Variants in SLC8A1 observed in about 807,000 individuals in gnomAD.
The protein encoded by SLC8A1 is solute carrier family 8 member A1.
A neutral mutation model predicts 68.3 loss-of-function variants in SLC8A1; 18 were observed. That is an observed-to-expected ratio of 0.26 (90% CI 0.18 to 0.39). The LOEUF is 0.39. SLC8A1 is among the 10% of genes least tolerant of loss of function. The pLI is 1.00. For synonymous variants in SLC8A1, 475 were observed against 415.5 expected (o/e 1.14, Z -1.74); for missense variants, 985 against 1,156.7 (o/e 0.85, Z 2.15).
chr2:40,470,609 G>T (rs1487422130), intron 1 of SLC8A1, among the ~76,000 whole-genome samples: 1 of 151,538 alleles, frequency 6.6e-6, no homozygotes, highest in East Asian at 1.9e-4. Context: ...CATATAATAA[G>T]ATCCTATATT....
intron 2 of SLC8A1, among the ~76,000 whole-genome samples, chr2:40,372,500 C>A (rs1047088965): frequency 1.3e-5 from 2 of 152,128 alleles, no homozygotes; most frequent in Non-Finnish European, 2.9e-5. Context: ...CCATGGCAAA[C>A]ATCAAAAACA....
intron 2 of SLC8A1, among the ~76,000 whole-genome samples, chr2:40,383,941 C>A (rs556670741): frequency 1.3e-5 from 2 of 152,078 alleles, no homozygotes; most frequent in Non-Finnish European, 2.9e-5. Flanking sequence ...CATCTGCGAA[C>A]TTTACAATTC....
At chr2:40,468,824 C>T (rs1242485292) in intron 1 of SLC8A1, among the ~76,000 whole-genome samples, 2 of 151,958 alleles carry the variant, frequency 1.3e-5, no homozygotes, top group African/African-American at 4.8e-5. Flanking sequence ...GACTATAATC[C>T]CAGCTATTAG....
chr2:40,333,053 T>G (rs976260442), intron 2 of SLC8A1, among the ~76,000 whole-genome samples: 1 of 152,230 alleles, frequency 6.6e-6, no homozygotes, highest in African/African-American at 2.4e-5. Flanking sequence ...GTTAGAATTT[T>G]AGAGCTTCCA....
intron 2 of SLC8A1, among the ~76,000 whole-genome samples, chr2:40,307,270 A>C (rs992126184): frequency 6.6e-6 from 1 of 152,182 alleles, no homozygotes; most frequent in Admixed American, 6.6e-5. Context: ...CTTTGGAGAC[A>C]TTGTGCTAAG....
intron 4 of SLC8A1, 50 bp downstream of exon 6, chr2:40,174,656 G>T (rs748819820): frequency 3.5e-6 from 5 of 1,434,810 alleles, no homozygotes. Context: ...TGGATTGATG[G>T]TTAAGGGTAT....
In SLC8A1 at chr2:40,313,874, CTG is replaced by C. The variant is rs1244467551; in HGVS notation, c.1808+114597_1808+114598del. On this transcript the variant is annotated intron_variant, in intron 2 of 7. Coordinates refer to ENST00000406785, the Ensembl canonical transcript of SLC8A1. Reference sequence around the variant, plus strand: ...GCTCAAATATTTGACCAATTTTTTGCTGTGTTTTCTTAATTGTTAAATTTTGA... The same window carrying C: ...GCTCAAATATTTGACCAATTTTTTGCTGTTTTCTTAATTGTTAAATTTTGA... Among the ~76,000 whole-genome samples, 5 of 151,838 alleles carry C rather than the reference CTG, an allele frequency of 3.3e-5. No individual in the cohort carries two copies. In the East Asian group the frequency reaches 9.7e-4, roughly 29 times the overall value.
At chr2:40,355,906 T>G (rs533257838) in intron 2 of SLC8A1, among the ~76,000 whole-genome samples, 18 of 152,286 alleles carry the variant, frequency 1.2e-4, no homozygotes, top group Admixed American at 7.9e-4. Flanking sequence ...TAAGTGGGAT[T>G]TGCTGGAAAG....
chr2:40,481,987 T>C (rs1704656266), intron 1 of SLC8A1, among the ~76,000 whole-genome samples: 1 of 152,188 alleles, frequency 6.6e-6, no homozygotes, highest in Non-Finnish European at 1.5e-5. Context: ...TTTGAGAGGC[T>C]TGATAAAAAC....
At chr2:40,364,683 A>C (rs1444966146) in intron 2 of SLC8A1, among the ~76,000 whole-genome samples, 1 of 152,032 alleles carries the variant, frequency 6.6e-6, no homozygotes, top group East Asian at 1.9e-4. Context: ...ACTAATATTT[A>C]ATGAGAAAAA....
chr2:40,203,338 G>A (rs547426771), intron 2 of SLC8A1, among the ~76,000 whole-genome samples: 1 of 151,992 alleles, frequency 6.6e-6, no homozygotes, highest in Non-Finnish European at 1.5e-5. Flanking sequence ...GGAGCAAACA[G>A]CTAAAGAACT....
At chr2:40,483,736 T>C (rs558984439) in intron 1 of SLC8A1, among the ~76,000 whole-genome samples, 1 of 152,312 alleles carries the variant, frequency 6.6e-6, no homozygotes, top group Admixed American at 6.5e-5. Context: ...CCTTTGCTTA[T>C]TTCTCTTCCC....
At chr2:40,391,795 A>G (rs1465566566) in intron 2 of SLC8A1, among the ~76,000 whole-genome samples, 1 of 152,050 alleles carries the variant, frequency 6.6e-6, no homozygotes, top group Non-Finnish European at 1.5e-5. Flanking sequence ...GGTAGACAAA[A>G]AGTGTTAACC....
chr2:40,245,759 A>G (rs1431147293), intron 2 of SLC8A1, among the ~76,000 whole-genome samples: 1 of 152,168 alleles, frequency 6.6e-6, no homozygotes, highest in African/African-American at 2.4e-5. Context: ...AACACATTTT[A>G]AAACCAAGAC....
intron 2 of SLC8A1, among the ~76,000 whole-genome samples, chr2:40,223,323 A>G (rs1047976075): frequency 1.1e-4 from 16 of 152,174 alleles, no homozygotes; most frequent in African/African-American, 3.9e-4. Context: ...CAATGAGAAC[A>G]CATGGACACA....
Position 40,377,646 on chromosome 2 carries a change from T to C in SLC8A1, c.1808+50827A>G, listed in dbSNP as rs550618217. Among the ~76,000 whole-genome samples, 25 of 152,176 alleles carry C rather than the reference T, an allele frequency of 1.6e-4. No individual in the cohort carries two copies. In the South Asian group the frequency reaches 5.0e-3, roughly 30 times the overall value. Reference sequence around the variant, plus strand: ...AGTAATTTAAAATAGATTTCCACCATAGATAATAAAAAACTCTGGTCCACA... The same window carrying C: ...AGTAATTTAAAATAGATTTCCACCACAGATAATAAAAAACTCTGGTCCACA... On this transcript the variant is annotated intron_variant, in intron 2 of 7. Coordinates refer to ENST00000406785, the Ensembl canonical transcript of SLC8A1.
At chr2:40,314,195 C>G (rs1012068473) in intron 2 of SLC8A1, among the ~76,000 whole-genome samples, 1 of 151,920 alleles carries the variant, frequency 6.6e-6, no homozygotes, top group Non-Finnish European at 1.5e-5. Context: ...AGTAATAGAT[C>G]AAAATTCATT....
chr2:40,267,224 C>A (rs576879706), intron 2 of SLC8A1, among the ~76,000 whole-genome samples: 5 of 152,232 alleles, frequency 3.3e-5, no homozygotes, highest in African/African-American at 1.2e-4. Context: ...TCTTTACTTG[C>A]CTGAGTTATC....
At chr2:40,211,901 A>G (rs961378880) in intron 2 of SLC8A1, among the ~76,000 whole-genome samples, 1 of 152,232 alleles carries the variant, frequency 6.6e-6, no homozygotes, top group Non-Finnish European at 1.5e-5. Context: ...CACACTAAAA[A>G]CATAAAAGAT....
Sources: gnomAD v4.1 joint callset for allele counts (sites outside exome capture counted in the v4.1 genomes callset) on GRCh38, gnomAD v4.1.1 for gene constraint, MANE v1.5 for transcripts, NCBI Gene and HGNC (gene_info 2026-07-23, HGNC 2026-07-21) for gene names.